The following GYS1 variants were observed in gnomAD, a reference collection of about 807,000 sequenced individuals.
GYS1 encodes the protein glycogen [starch] synthase, muscle.
GYS1 carries 60 observed loss-of-function variants against 89.1 expected under a neutral mutation model. The ratio of observed to expected loss-of-function variants is 0.67; its 90% CI spans 0.55 to 0.84. GYS1 has a LOEUF of 0.84. GYS1 is among the 40% of genes least tolerant of loss of function. GYS1 has a pLI of 0.00. For missense variants in GYS1, 888 were observed against 1,003.1 expected (o/e 0.89, Z 1.55); for synonymous variants, 366 against 401.7 (o/e 0.91, Z 1.06).
Position 48,978,129 on chromosome 19 carries a change from AC to A in GYS1, c.1197del (p.Lys399AsnfsTer18). The A allele has an allele frequency of 6.2e-7, 1 of 1,614,044 alleles. No homozygotes were observed. The highest frequency in any genetic ancestry group is 1.1e-5 in the South Asian group (1 of 91,082). On this transcript the variant is annotated frameshift_variant, in exon 9 of 16. Coordinates refer to ENST00000323798, the MANE Select transcript of GYS1 (RefSeq NM_002103.5). LOFTEE classifies it high-confidence loss of function. ...AAGGATTCATAAAGCTTCCTCCCGAACTTTTCCTTCACCGTGTTGGCCGTGT... is the reference window on the plus strand; with the variant it reads ...AAGGATTCATAAAGCTTCCTCCCGAATTTTCCTTCACCGTGTTGGCCGTGT... ...LWDTANTVKEKFGRKLYESLL... is the reference protein window; with the variant it reads ...LWDTANTVKEXFGRKLYESLL...
chr19:48,984,071 T>C (rs1188783589), intron 5 of GYS1, among the ~76,000 whole-genome samples: 1 of 152,180 alleles, frequency 6.6e-6, no homozygotes, highest in Admixed American at 6.5e-5. Flanking sequence ...CAATCTTGGC[T>C]CACGACAACC....
intron 12 of GYS1, 55 bp downstream of exon 12, chr19:48,974,155 ACAT>A: frequency 6.5e-7 from 1 of 1,541,486 alleles, no homozygotes; most frequent in Non-Finnish European, 8.8e-7. Context: ...TCGCCCCAAG[ACAT>A]GCTAGCTCTG....
chr19:48,989,431 G>A lies in GYS1; in HGVS notation c.300+1871C>T, dbSNP rs184277996. Reference sequence around the variant, plus strand: ...CGGGAGGCGGAGGTTGCAGTGAGTCGAGATTGTACCACTGCACTCCAGACT... The same window carrying A: ...CGGGAGGCGGAGGTTGCAGTGAGTCAAGATTGTACCACTGCACTCCAGACT... On this transcript the variant is annotated intron_variant, in intron 2 of 15. Coordinates refer to ENST00000323798, the MANE Select transcript of GYS1 (RefSeq NM_002103.5). Among the ~76,000 whole-genome samples, 264 of 148,408 alleles carry A rather than the reference G, an allele frequency of 1.8e-3. 2 individuals are homozygous for A. Among genetic ancestry groups the A allele is most frequent in the African/African-American group, 6.4e-3 (256 of 40,076 alleles).
chr19:48,977,160 C>T (rs1440818331), intron 10 of GYS1, among the ~76,000 whole-genome samples: 1 of 152,044 alleles, frequency 6.6e-6, no homozygotes, highest in East Asian at 1.9e-4. Context: ...GGCTGGTGTA[C>T]AGTGGCACAG....
chr19:48,978,969 T>G (rs1213985237), intron 8 of GYS1, among the ~76,000 whole-genome samples: 3 of 152,196 alleles, frequency 2.0e-5, no homozygotes, highest in African/African-American at 7.2e-5. Context: ...TGACATCAGC[T>G]GTGTGGTCAG....
At position 48,993,290 on chromosome 19, in the gene GYS1, A is replaced by G. The variant is rs757539349; in HGVS notation, c.-178T>C. The G allele has an allele frequency of 7.3e-6, 5 of 684,788 alleles. No homozygotes were observed. The highest frequency in any genetic ancestry group is 8.1e-6 in the Non-Finnish European group (3 of 370,780). The allele number at this position is 684,788 out of a possible 1,614,324, so 42.4% of individuals were successfully genotyped here. ...CCCCGAAGCGTTGGGACCTAGGCAG[A>G]AGGAGGCCGCAGCGTCACTGAGCCC... On this transcript the variant is annotated 5_prime_UTR_variant, in exon 1 of 16. Transcript: ENST00000323798.
intron 8 of GYS1, among the ~76,000 whole-genome samples, chr19:48,979,839 G>T (rs1225134934): frequency 1.3e-5 from 2 of 148,216 alleles, no homozygotes; most frequent in Non-Finnish European, 3.0e-5. Context: ...GAAAGACGGG[G>T]TTTCACCATG....
intron 2 of GYS1, among the ~76,000 whole-genome samples, chr19:48,988,994 T>C (rs1303922600): frequency 1.3e-5 from 2 of 152,162 alleles, no homozygotes; most frequent in Non-Finnish European, 2.9e-5. Flanking sequence ...GCGACCTCTT[T>C]CCTCTATCCA....
chr19:48,984,610 G>T (rs2038813198), intron 5 of GYS1, among the ~76,000 whole-genome samples: 1 of 151,952 alleles, frequency 6.6e-6, no homozygotes, highest in Non-Finnish European at 1.5e-5. Context: ...TGGCCAGGCT[G>T]GTCTCGATCT....
rs1222664637 is a variant in GYS1, at chr19:48,970,620, G to A, written c.1735C>T (p.Arg579Trp). Residue 579 changes from arginine (R) to tryptophan (W), a missense_variant, in exon 14 of 16, where the codon CGG becomes TGG. Arg to Trp is a moderately radical substitution (Grantham distance 101, BLOSUM62 -3). Coordinates refer to ENST00000323798, the MANE Select transcript of GYS1 (RefSeq NM_002103.5). ...TTCCGCTGGATGATACGCTGCCGCC[G>A]GCTCTGCTGACAGAAACTGTAGAGG... ...SFLYSFCQQS[R>W]RQRIIQRNRT... 6.2e-7 allele frequency: 1 copy of A among 1,613,914 alleles called. No homozygotes were observed. Among genetic ancestry groups the A allele is most frequent in the Non-Finnish European group, 8.5e-7 (1 of 1,179,940 alleles).
intron 5 of GYS1, among the ~76,000 whole-genome samples, chr19:48,983,819 A>C (rs2038801255): frequency 6.6e-6 from 1 of 152,132 alleles, no homozygotes; most frequent in African/African-American, 2.4e-5. Context: ...ACAGAATTTT[A>C]TCATATCTGA....
rs1294127713 is a variant in GYS1, at chr19:48,987,338, G to T, written c.348C>A (p.Leu116=). The T allele has an allele frequency of 2.5e-6, 4 of 1,611,868 alleles. No homozygotes were observed. The East Asian group carries it at 6.7e-5, about 27-fold the overall frequency. ...WLIEGGPLVV[L]LDVGASAWAL... is the part of the protein sequence containing the mutation. The stretch of plus-strand genomic sequence containing the variant: ...CCCAAGCTGAGGCACCCACGTCCAG[G>T]AGCACCACCAGAGGGCCTCCCTCGA... The change falls in exon 3 of 16, where the codon CTC becomes CTA. Residue 116 remains leucine (L), a synonymous_variant. Coordinates refer to ENST00000323798, the MANE Select transcript of GYS1 (RefSeq NM_002103.5).
chr19:48,989,999 G>GT (rs1052880306), intron 2 of GYS1, among the ~76,000 whole-genome samples: 2 of 20,826 alleles, frequency 9.6e-5, no homozygotes, highest in Non-Finnish European at 1.7e-4. Flanking sequence ...CCCTTTTGCT[G>GT]GGGGGGGGGG....
rs767310661 is a variant in GYS1 at position 48,993,288 on chromosome 19, A to C, written c.-176T>G. ...TGCCCCGAAGCGTTGGGACCTAGGC[A>C]GAAGGAGGCCGCAGCGTCACTGAGC... is the stretch of plus-strand genomic sequence containing the variant. On this transcript the variant is annotated 5_prime_UTR_variant, in exon 1 of 16. Transcript: ENST00000323798. The C allele has an allele frequency of 4.2e-5, 29 of 689,304 alleles. No individual in the cohort carries two copies. Among genetic ancestry groups the C allele is most frequent in the South Asian group, 3.0e-4 (21 of 70,186 alleles). The allele number at this position is 689,304 out of a possible 1,614,324, so 42.7% of individuals were successfully genotyped here. A position where few individuals can be genotyped will look rare whatever the true frequency, so the allele number is the denominator to read the frequency against.
intron 2 of GYS1, 23 bp from the exon 3 acceptor site, chr19:48,987,408 C>T (rs751846654): frequency 1.9e-6 from 3 of 1,548,986 alleles, no homozygotes; most frequent in Non-Finnish European, 1.7e-6. Context: ...TGGGGAGGCA[C>T]CATAGGGAGG....
intron 3 of GYS1, among the ~76,000 whole-genome samples, chr19:48,986,629 A>C (rs1002933135): frequency 1.3e-5 from 2 of 151,672 alleles, no homozygotes; most frequent in East Asian, 3.9e-4. Flanking sequence ...CAGCCTCCCA[A>C]GTAGCTGGGA....
chr19:48,982,327 GC>G lies in GYS1; in HGVS notation c.989del (p.Gly330AlafsTer26). ...CACCCTTGTTGGAGAACTCATAGCG[GC>G]CGGCGATAAAGAAGTATAAGGTCTT... The part of the protein sequence containing the change: ...LDKTLYFFIA[G>X]RYEFSNKGAD... On this transcript the variant is annotated frameshift_variant, in exon 7 of 16. Coordinates refer to ENST00000323798, the MANE Select transcript of GYS1 (RefSeq NM_002103.5). LOFTEE classifies it high-confidence loss of function. The G allele has an allele frequency of 1.2e-6, 2 of 1,613,784 alleles. No individual in the cohort carries two copies. The highest frequency in any genetic ancestry group is 2.2e-5 in the South Asian group (2 of 91,086).
Position 48,978,093 on chromosome 19 carries a change from C to G in GYS1, c.1229+5G>C. 6.2e-7 allele frequency: 1 copy of G among 1,613,340 alleles called. No individual in the cohort carries two copies. The highest frequency in any genetic ancestry group is 8.5e-7 in the Non-Finnish European group (1 of 1,179,294). Reference sequence around the variant, plus strand: ...AGGGCACAGGGCTGAGGGTGGGGCACTCACACCAGTAAGGATTCATAAAGC... The same window carrying G: ...AGGGCACAGGGCTGAGGGTGGGGCAGTCACACCAGTAAGGATTCATAAAGC... On this transcript the variant is annotated splice_donor_5th_base_variant and intron_variant, in intron 9 of 15. Transcript: ENST00000323798.
chr19:48,990,567 T>G (rs1021142728), intron 2 of GYS1, among the ~76,000 whole-genome samples: 1 of 152,178 alleles, frequency 6.6e-6, no homozygotes, highest in Admixed American at 6.5e-5. Context: ...ATCATAACAA[T>G]GACAATCACC....
Sources: gnomAD v4.1 joint callset for allele counts (sites outside exome capture counted in the v4.1 genomes callset) on GRCh38, gnomAD v4.1.1 for gene constraint, MANE v1.5 for transcripts, NCBI Gene and HGNC (gene_info 2026-07-23, HGNC 2026-07-21) for gene names.